Variants in DLGAP2 observed in about 807,000 individuals in gnomAD.
DLGAP2 encodes the protein disks large-associated protein 2.
In DLGAP2, 26 loss-of-function variants were observed where a neutral mutation model predicts 100.3. The ratio of observed to expected loss-of-function variants is 0.26; its 90% CI spans 0.19 to 0.36. DLGAP2 has a LOEUF of 0.36. DLGAP2 is among the 10% of genes least tolerant of loss of function. The probability of loss-of-function intolerance (pLI) is 1.00; values close to 1 mark genes in which losing one functional copy is unlikely to be tolerated. For synonymous variants in DLGAP2, 886 were observed against 630.1 expected (o/e 1.41, Z -6.08); for missense variants, 1,858 against 1,453.2 (o/e 1.28, Z -4.53).
intron 3 of DLGAP2, among the ~76,000 whole-genome samples, chr8:1,327,158 C>T (rs888672109): frequency 3.9e-5 from 6 of 152,226 alleles, no homozygotes; most frequent in Admixed American, 2.6e-4. Flanking sequence ...ATTACAGTTC[C>T]GAGGCGTCTC....
intron 2 of DLGAP2, among the ~76,000 whole-genome samples, chr8:978,830 C>G (rs1259926595): frequency 6.6e-6 from 1 of 152,128 alleles, no homozygotes; most frequent in Non-Finnish European, 1.5e-5. Flanking sequence ...TTGACAAAAC[C>G]AGGTTTCTTT....
chr8:1,560,586 A>G (rs1375855568), intron 5 of DLGAP2, among the ~76,000 whole-genome samples: 2 of 152,210 alleles, frequency 1.3e-5, no homozygotes, highest in Non-Finnish European at 2.9e-5. Context: ...CTCTAAGGAC[A>G]TGACCAGTCC....
chr8:1,134,586 C>G (rs1796365210), intron 2 of DLGAP2, among the ~76,000 whole-genome samples: 1 of 152,112 alleles, frequency 6.6e-6, no homozygotes, highest in African/African-American at 2.4e-5. Flanking sequence ...GCAATGTAAT[C>G]TAAAACATGA....
At chr8:1,374,842 C>T (rs966940821) in intron 3 of DLGAP2, among the ~76,000 whole-genome samples, 6 of 152,304 alleles carry the variant, frequency 3.9e-5, no homozygotes, top group Admixed American at 2.0e-4. Flanking sequence ...AGCAACTGTG[C>T]GTGGGACTCC....
At chr8:1,069,083 T>C (rs1285742923) in intron 2 of DLGAP2, among the ~76,000 whole-genome samples, 2 of 152,224 alleles carry the variant, frequency 1.3e-5, no homozygotes, top group East Asian at 3.9e-4. Flanking sequence ...TGCCCTGCAC[T>C]AGACACACAT....
chr8:1,444,956 G>C (rs925476884), intron 3 of DLGAP2, among the ~76,000 whole-genome samples: 5 of 151,342 alleles, frequency 3.3e-5, no homozygotes, highest in African/African-American at 1.2e-4. Flanking sequence ...ATTTTTAGTA[G>C]AGACAGGGTT....
intron 10 of DLGAP2, among the ~76,000 whole-genome samples, chr8:1,673,020 G>T (rs1798729144): frequency 6.6e-6 from 1 of 152,242 alleles, no homozygotes; most frequent in South Asian, 2.1e-4. Context: ...AGGCTGGTTG[G>T]CTTTGACGCC....
At chr8:1,072,040 C>T (rs1168308136) in intron 2 of DLGAP2, among the ~76,000 whole-genome samples, 1 of 152,176 alleles carries the variant, frequency 6.6e-6, no homozygotes, top group Non-Finnish European at 1.5e-5. Flanking sequence ...GCTGCAGACA[C>T]CACTCGGATC....
At chr8:1,575,488 ATTT>A (rs1309620063) in intron 6 of DLGAP2, among the ~76,000 whole-genome samples, 153 of 131,824 alleles carry the variant, frequency 1.2e-3, no homozygotes, top group African/African-American at 4.1e-3. Context: ...TATTATTATT[ATTT>A]AAGTTCTAGG....
rs1192026977 is a variant in DLGAP2, at chr8:1,549,555, C to G, written c.1102C>G (p.Arg368Gly). 2 of 1,613,068 alleles carry G rather than the reference C, an allele frequency of 1.2e-6. No individual in the cohort carries two copies. Among genetic ancestry groups the G allele is most frequent in the Non-Finnish European group, 1.7e-6 (2 of 1,179,844 alleles). Reference sequence around the variant, plus strand: ...GACGCCCGACGCCAAGTACCTGAAGCGCAGCTCCTGGTCTACGCTGACGGT... The same window carrying G: ...GACGCCCGACGCCAAGTACCTGAAGGGCAGCTCCTGGTCTACGCTGACGGT... The part of the protein sequence containing the change: ...ALTPDAKYLK[R>G]SSWSTLTVSQ... The change falls in exon 5 of 15, where the codon CGC becomes GGC. Residue 368 changes from arginine (R) to glycine (G), a missense_variant. Transcript: ENST00000637795.
At chr8:1,197,185 C>T (rs552078331) in intron 2 of DLGAP2, among the ~76,000 whole-genome samples, 1 of 152,242 alleles carries the variant, frequency 6.6e-6, no homozygotes, top group African/African-American at 2.4e-5. Flanking sequence ...CACAGACACA[C>T]ACGGAAGTCA....
At chr8:1,381,503 C>T (rs1291122903) in intron 3 of DLGAP2, 1 of 152,250 alleles carries the variant, frequency 6.6e-6, no homozygotes, top group Non-Finnish European at 1.5e-5. Flanking sequence ...TGTCCTCATC[C>T]AGGCTGGACG....
At position 873,647 on chromosome 8, in the gene DLGAP2, G is replaced by A. The variant is rs145358971; in HGVS notation, c.19-34265G>A. 3.8e-4 allele frequency among the ~76,000 whole-genome samples: 57 copies of A among 151,996 alleles called. 1 individual carries two copies. Among genetic ancestry groups the A allele is most frequent in the African/African-American group, 6.8e-4 (28 of 41,470 alleles). ...ATCTTTAGCCTTTTTTTCTTATGAT[G>A]TATTTGCCTGGCTTTGATATTAGAG... On this transcript the variant is annotated intron_variant, in intron 1 of 14. Coordinates refer to ENST00000637795, the MANE Select transcript of DLGAP2 (RefSeq NM_001346810.2).
chr8:1,440,921 A>G (rs1307329593), intron 3 of DLGAP2, among the ~76,000 whole-genome samples: 1 of 152,226 alleles, frequency 6.6e-6, no homozygotes, highest in African/African-American at 2.4e-5. Context: ...TGTCTTCTGA[A>G]ATATCTTTTA....
intron 3 of DLGAP2, among the ~76,000 whole-genome samples, chr8:1,318,895 C>T (rs564646212): frequency 3.3e-5 from 5 of 151,190 alleles, no homozygotes; most frequent in African/African-American, 1.2e-4. Flanking sequence ...TAGAAGGGTC[C>T]AGTGGGTCCC....
At chr8:820,287 G>A (rs1171638418) in intron 1 of DLGAP2, among the ~76,000 whole-genome samples, 1 of 152,166 alleles carries the variant, frequency 6.6e-6, no homozygotes, top group African/African-American at 2.4e-5. Flanking sequence ...TTTTTAAATT[G>A]TGGAATTGGG....
intron 2 of DLGAP2, among the ~76,000 whole-genome samples, chr8:1,255,320 T>C (rs61576954): frequency 2.2e-5 from 2 of 89,184 alleles, no homozygotes; most frequent in African/African-American, 6.5e-5. Context: ...CCTGCCCGGG[T>C]GCTGTGTGTG....
intron 2 of DLGAP2, among the ~76,000 whole-genome samples, chr8:1,167,365 G>A (rs567756715): frequency 9.0e-4 from 137 of 152,260 alleles, no homozygotes; most frequent in African/African-American, 3.2e-3. Context: ...GTACCTCACA[G>A]GGAGTTGCTA....
At chr8:1,350,425 G>A (rs1801688894) in intron 3 of DLGAP2, among the ~76,000 whole-genome samples, 2 of 91,736 alleles carry the variant, frequency 2.2e-5, no homozygotes, top group African/African-American at 4.0e-5. Flanking sequence ...TGGAAAGGCC[G>A]CGCGGGTCCT....
Sources: gnomAD v4.1 joint callset for allele counts (sites outside exome capture counted in the v4.1 genomes callset) on GRCh38, gnomAD v4.1.1 for gene constraint, MANE v1.5 for transcripts, NCBI Gene and HGNC (gene_info 2026-07-23, HGNC 2026-07-21) for gene names.